NBEA: variants seen among roughly 807,000 people sequenced by gnomAD.
NBEA encodes the protein neurobeachin.
Under a neutral mutation model 343.4 loss-of-function variants are expected in NBEA, and 44 were observed. The observed-to-expected ratio is 0.13, with a 90% CI of 0.10 to 0.16. NBEA has a LOEUF of 0.16. Ranked by LOEUF, NBEA falls within the 10% of genes least tolerant of loss-of-function variation. The pLI is 1.00. For synonymous variants in NBEA, 1,175 were observed against 1,238.7 expected (o/e 0.95, Z 1.08); for missense variants, 2,555 against 3,631.3 (o/e 0.70, Z 7.62).
At chr13:35,570,780 A>G (rs895797495) in intron 45 of NBEA, among the ~76,000 whole-genome samples, 1 of 152,150 alleles carries the variant, frequency 6.6e-6, no homozygotes, top group Non-Finnish European at 1.5e-5. Context: ...CCATCAATAA[A>G]CAAGATTTTA....
At chr13:35,432,496 A>G (rs1433867257) in intron 39 of NBEA, 103 bp downstream of exon 39, 2 of 1,045,538 alleles carry the variant, frequency 1.9e-6, no homozygotes, top group Non-Finnish European at 2.6e-6. Flanking sequence ...AATGTTCTCC[A>G]TGTCTTGAGT....
intron 1 of NBEA, among the ~76,000 whole-genome samples, chr13:34,982,371 C>T (rs1239660447): frequency 6.6e-6 from 1 of 152,094 alleles, no homozygotes; most frequent in African/African-American, 2.4e-5. Flanking sequence ...CCTACCTCAG[C>T]TCACTGCAAC....
chr13:34,971,358 C>T (rs1290571558), intron 1 of NBEA, among the ~76,000 whole-genome samples: 2 of 151,996 alleles, frequency 1.3e-5, no homozygotes, highest in East Asian at 3.9e-4. Context: ...TATCTGAATG[C>T]CCTTTATTTA....
intron 36 of NBEA, among the ~76,000 whole-genome samples, chr13:35,337,417 A>G (rs2039329563): frequency 6.6e-6 from 1 of 152,176 alleles, no homozygotes; most frequent in Non-Finnish European, 1.5e-5. Flanking sequence ...AAGACATTAT[A>G]TAATGTTAAT....
intron 18 of NBEA, among the ~76,000 whole-genome samples, chr13:35,150,056 A>G (rs2068679566): frequency 6.6e-6 from 1 of 152,198 alleles, no homozygotes; most frequent in East Asian, 1.9e-4. Context: ...AAAACTCAAG[A>G]TAAGTTTGAA....
chr13:35,309,575 G>A lies in NBEA; in HGVS notation c.5886G>A (p.Glu1962=). The change falls in exon 36 of 59, where the codon GAG becomes GAA. Residue 1962 remains glutamate, a synonymous_variant. Transcript: ENST00000379939. The stretch of plus-strand genomic sequence containing the variant: ...AGAATGCAGGACTTGCATTTATTGA[G>A]CTCATCAATGAAGGAAGGTAATTAA... The part of the protein sequence containing the change: ...IQKNAGLAFI[E]LINEGRLLCH... 3.8e-6 allele frequency: 6 copies of A among 1,586,478 alleles called. No individual in the cohort carries two copies. The highest frequency in any genetic ancestry group is 5.1e-6 in the Non-Finnish European group (6 of 1,166,490).
chr13:35,044,127 T>A (rs1171683208), intron 2 of NBEA, among the ~76,000 whole-genome samples: 1 of 152,182 alleles, frequency 6.6e-6, no homozygotes, highest in Non-Finnish European at 1.5e-5. Flanking sequence ...GTCTGTTATA[T>A]GCACATAAAC....
chr13:35,474,449 A>C (rs188517921), intron 41 of NBEA: 28 of 152,814 alleles, frequency 1.8e-4, no homozygotes, highest in Admixed American at 3.3e-4. Flanking sequence ...TAAACTTTTT[A>C]AAGTTCAGAC....
chr13:35,212,176 T>C (rs1369850593), intron 33 of NBEA, among the ~76,000 whole-genome samples: 2 of 152,216 alleles, frequency 1.3e-5, no homozygotes, highest in Non-Finnish European at 2.9e-5. Context: ...GTCACTGTTC[T>C]TGCTTTTCTT....
chr13:35,414,595 G>A (rs1467147429), intron 38 of NBEA, among the ~76,000 whole-genome samples: 1 of 152,156 alleles, frequency 6.6e-6, no homozygotes, highest in Non-Finnish European at 1.5e-5. Context: ...ATTCCATGGT[G>A]TATATGTGCC....
intron 53 of NBEA, 140 bp from the exon 54 acceptor site, chr13:35,654,715 G>A (rs984829707): frequency 3.3e-6 from 2 of 598,422 alleles, no homozygotes; most frequent in Non-Finnish European, 5.4e-6. Flanking sequence ...ATTCCTCAAG[G>A]GAGAATCTTA....
intron 41 of NBEA, among the ~76,000 whole-genome samples, chr13:35,540,385 G>A (rs2078766012): frequency 6.6e-6 from 1 of 152,250 alleles, no homozygotes; most frequent in African/African-American, 2.4e-5. Flanking sequence ...TTTATTTTCA[G>A]TAGTATAGAG....
chr13:35,445,658 TCAA>T (rs1257373596), intron 39 of NBEA, among the ~76,000 whole-genome samples: 3 of 151,468 alleles, frequency 2.0e-5, no homozygotes. Flanking sequence ...TTTCATTTAC[TCAA>T]CAAACATTTG....
At chr13:35,593,259 T>C (rs2081616305) in intron 46 of NBEA, 69 bp from the exon 47 acceptor site, 2 of 1,543,822 alleles carry the variant, frequency 1.3e-6, no homozygotes, top group South Asian at 2.4e-5. Flanking sequence ...AAGATAGCCA[T>C]GTTTCACAAA....
intron 1 of NBEA, among the ~76,000 whole-genome samples, chr13:34,972,748 G>C (rs184496033): frequency 2.6e-5 from 4 of 152,172 alleles, no homozygotes; most frequent in Non-Finnish European, 5.9e-5. Flanking sequence ...CTGATTATGT[G>C]ATCGATTGTA....
At chr13:34,951,049 G>T (rs996379629) in intron 1 of NBEA, among the ~76,000 whole-genome samples, 2 of 152,110 alleles carry the variant, frequency 1.3e-5, no homozygotes, top group African/African-American at 4.8e-5. Context: ...CTCTTTCTGG[G>T]CTCGTAAACT....
chr13:35,652,887 G>A (rs533341753), intron 53 of NBEA, among the ~76,000 whole-genome samples: 20 of 150,048 alleles, frequency 1.3e-4, no homozygotes, highest in African/African-American at 4.4e-4. Flanking sequence ...GTGGAGTCAG[G>A]GTTTCACCGT....
intron 20 of NBEA, 130 bp downstream of exon 20, chr13:35,156,336 G>A: frequency 1.1e-6 from 1 of 879,698 alleles, no homozygotes; most frequent in Non-Finnish European, 1.6e-6. Context: ...GGCATTTTAT[G>A]TTTCTTTGAC....
chr13:35,444,365 A>G (rs1411488911), intron 39 of NBEA, among the ~76,000 whole-genome samples: 1 of 152,030 alleles, frequency 6.6e-6, no homozygotes, highest in African/African-American at 2.4e-5. Flanking sequence ...CTCAGACTTA[A>G]GTTTTAATGA....
Sources: allele counts gnomAD v4.1 joint callset (sites outside exome capture counted in the v4.1 genomes callset), GRCh38; gene constraint gnomAD v4.1.1; transcripts MANE v1.5; gene names NCBI Gene and HGNC (gene_info 2026-07-23, HGNC 2026-07-21).